The following EDAR variants were observed in gnomAD, a reference collection of about 807,000 sequenced individuals.
The protein encoded by EDAR is tumor necrosis factor receptor superfamily member EDAR.
EDAR carries 38 observed loss-of-function variants against 51.3 expected under a neutral mutation model. The ratio of observed to expected loss-of-function variants is 0.74; its 90% CI spans 0.57 to 0.97. EDAR has a LOEUF of 0.97. Among genes scored for constraint, EDAR ranks in the 50% least tolerant of loss-of-function variants. The pLI is 0.00. For synonymous variants in EDAR, 227 were observed against 242.1 expected (o/e 0.94, Z 0.58); for missense variants, 528 against 595.0 (o/e 0.89, Z 1.17).
chr2:108,939,401 G>T (rs56259003), intron 1 of EDAR, among the ~76,000 whole-genome samples: 2,270 of 152,310 alleles, frequency 0.015, 30 homozygotes, highest in South Asian at 0.029. Context: ...TGGCAAGGCT[G>T]GTCTTGAACT....
chr2:108,950,680 C>T (rs907169223), intron 1 of EDAR, among the ~76,000 whole-genome samples: 1 of 152,264 alleles, frequency 6.6e-6, no homozygotes. Flanking sequence ...CTGCCCTCAG[C>T]CTTCTCCACA....
At chr2:108,982,010 CAA>C (rs1310233095) in intron 1 of EDAR, among the ~76,000 whole-genome samples, 1 of 152,188 alleles carries the variant, frequency 6.6e-6, no homozygotes, top group Non-Finnish European at 1.5e-5. Context: ...TTCCCGTCCT[CAA>C]AGAGGGCACA....
At chr2:108,920,038 T>C (rs1372987207) in intron 5 of EDAR, among the ~76,000 whole-genome samples, 1 of 152,228 alleles carries the variant, frequency 6.6e-6, no homozygotes, top group African/African-American at 2.4e-5. Context: ...AGTGGCACCA[T>C]GTCCACATGG....
rs1697581270 is a variant in EDAR, at chr2:108,940,928, G to A, written c.-18-9896C>T. ...TAAGCTTCACATTTTCCAGTTACAG[G>A]TGGGAGACTTTGATAACGTATATAC... On this transcript the variant is annotated intron_variant, in intron 1 of 11. Coordinates refer to ENST00000258443, the MANE Select transcript of EDAR (RefSeq NM_022336.4). 2.6e-5 allele frequency among the ~76,000 whole-genome samples: 4 copies of A among 152,292 alleles called. No homozygotes were observed. The South Asian group carries it at 8.3e-4, about 32-fold the overall frequency.
At chr2:108,900,627 A>T (rs1461981859) in intron 11 of EDAR, among the ~76,000 whole-genome samples, 1 of 152,104 alleles carries the variant, frequency 6.6e-6, no homozygotes, top group Admixed American at 6.5e-5. Context: ...AGCTTGGTAG[A>T]GTAGACTTAA....
intron 4 of EDAR, among the ~76,000 whole-genome samples, chr2:108,924,347 G>A (rs1210136766): frequency 2.6e-5 from 4 of 152,212 alleles, no homozygotes; most frequent in Non-Finnish European, 5.9e-5. Flanking sequence ...GGGGCTCCCA[G>A]CTCGGGCGCC....
At chr2:108,926,917 CTG>C (rs1697266983) in intron 4 of EDAR, among the ~76,000 whole-genome samples, 1 of 152,220 alleles carries the variant, frequency 6.6e-6, no homozygotes, top group African/African-American at 2.4e-5. Flanking sequence ...TGATCCTCCT[CTG>C]TGACACAGCG....
chr2:108,973,136 G>A (rs553161196), intron 1 of EDAR, among the ~76,000 whole-genome samples: 6 of 152,126 alleles, frequency 3.9e-5, no homozygotes, highest in African/African-American at 9.7e-5. Flanking sequence ...AATGGCACCC[G>A]CCACCATGTC....
At chr2:108,921,090 C>T (rs1013997557) in intron 5 of EDAR, among the ~76,000 whole-genome samples, 1 of 152,212 alleles carries the variant, frequency 6.6e-6, no homozygotes, top group Non-Finnish European at 1.5e-5. Context: ...GGGTGCTCCC[C>T]TGCGAATCAC....
Position 108,961,770 on chromosome 2 carries a change from TG to T in EDAR, c.-19+27189del, listed in dbSNP as rs1698051852. Among the ~76,000 whole-genome samples, 5 of 152,154 alleles carry T rather than the reference TG, an allele frequency of 3.3e-5. No homozygotes were observed. In the South Asian group the frequency reaches 1.0e-3, roughly 32 times the overall value. On this transcript the variant is annotated intron_variant, in intron 1 of 11. Transcript: ENST00000258443. ...AGAGGTGAGAAGTGATCAGCCCATG[TG>T]TTGGGTCTTTTAACCTGCTGCTGCT...
chr2:108,984,777 C>T (rs1431266461), intron 1 of EDAR, among the ~76,000 whole-genome samples: 1 of 152,126 alleles, frequency 6.6e-6, no homozygotes, highest in East Asian at 1.9e-4. Flanking sequence ...GATGTTCTCT[C>T]TCCTCACCCA....
intron 4 of EDAR, 57 bp downstream of exon 4, chr2:108,929,141 C>G (rs1161304514): frequency 1.9e-6 from 3 of 1,601,600 alleles, no homozygotes; most frequent in East Asian, 4.5e-5. Context: ...TGCCCGTAGC[C>G]CCTCGGGGTT....
chr2:108,934,402 G>A (rs368600667), intron 1 of EDAR, among the ~76,000 whole-genome samples: 100 of 152,260 alleles, frequency 6.6e-4, no homozygotes, highest in Non-Finnish European at 1.4e-3. Context: ...ATCAGTGCCT[G>A]GCGATGCTGC....
intron 1 of EDAR, among the ~76,000 whole-genome samples, chr2:108,944,293 T>C (rs578164085): frequency 2.0e-5 from 3 of 152,316 alleles, no homozygotes; most frequent in Admixed American, 2.0e-4. Flanking sequence ...TTTGTATTTT[T>C]AGTAGAGACG....
intron 1 of EDAR, among the ~76,000 whole-genome samples, chr2:108,973,308 C>T (rs1412605624): frequency 1.3e-5 from 2 of 152,108 alleles, no homozygotes; most frequent in African/African-American, 2.4e-5. Context: ...TGTATAGTGC[C>T]GCCTCCCTGC....
At chr2:108,938,418 G>A (rs73952558) in intron 1 of EDAR, among the ~76,000 whole-genome samples, 2,280 of 152,286 alleles carry the variant, frequency 0.015, 29 homozygotes, top group South Asian at 0.03. Flanking sequence ...TCCCAAAGAG[G>A]AAGGAAGCTC....
intron 1 of EDAR, among the ~76,000 whole-genome samples, chr2:108,952,829 T>G (rs1303460525): frequency 6.6e-6 from 1 of 152,250 alleles, no homozygotes; most frequent in East Asian, 1.9e-4. Flanking sequence ...TAAATAGCAC[T>G]GAGTTTTACT....
chr2:108,966,653 T>C (rs1408237708), intron 1 of EDAR, among the ~76,000 whole-genome samples: 1 of 152,188 alleles, frequency 6.6e-6, no homozygotes, highest in African/African-American at 2.4e-5. Context: ...AACACTACTG[T>C]GTTTGGCTAT....
intron 1 of EDAR, among the ~76,000 whole-genome samples, chr2:108,955,978 G>A (rs368791753): frequency 1.3e-5 from 2 of 152,156 alleles, no homozygotes; most frequent in African/African-American, 4.8e-5. Flanking sequence ...GCAGTGAGCC[G>A]AGATGGTGCC....
Sources: allele counts gnomAD v4.1 joint callset (sites outside exome capture counted in the v4.1 genomes callset), GRCh38; gene constraint gnomAD v4.1.1; transcripts MANE v1.5; gene names NCBI Gene and HGNC (gene_info 2026-07-23, HGNC 2026-07-21).